The following ITGAX variants were observed in gnomAD, a reference collection of about 807,000 sequenced individuals.
The protein encoded by ITGAX is integrin subunit alpha X.
ITGAX carries 99 observed loss-of-function variants against 140.2 expected under a neutral mutation model. That is an observed-to-expected ratio of 0.71 (90% CI 0.60 to 0.83). The LOEUF is 0.83. ITGAX is among the 40% of genes least tolerant of loss of function. ITGAX has a pLI of 0.00. For missense variants in ITGAX, 1,444 were observed against 1,482.0 expected, an observed-to-expected ratio of 0.97 and a Z score of 0.42; for synonymous variants, 631 against 600.4, an observed-to-expected ratio of 1.05 and a Z score of -0.75.
In ITGAX at chr16:31,362,655, G is replaced by T. The variant is rs1293621380; in HGVS notation, c.1261G>T (p.Val421Phe). The T allele has an allele frequency of 1.2e-6, 2 of 1,613,502 alleles. No homozygotes were observed. Among genetic ancestry groups the T allele is most frequent in the Admixed American group, 1.7e-5 (1 of 59,996 alleles). ...LALWKGVQSL[V>F]LGAPRYQHTG... ...CCTCTGGAAAGGGGTGCAGAGCCTG[G>T]TCCTGGGGGCCCCCCGCTACCAGCA... Residue 421 changes from valine (V) to phenylalanine (F), a missense_variant, in exon 12 of 30, where the codon GTC (valine) becomes TTC (phenylalanine). By Grantham distance (50) the Val-to-Phe change is conservative (BLOSUM62 -1). Transcript: ENST00000268296.
At chr16:31,356,160 C>T in intron 2 of ITGAX, 162 bp downstream of exon 2, 1 of 571,696 alleles carries the variant, frequency 1.7e-6, no homozygotes, top group Non-Finnish European at 3.1e-6. Flanking sequence ...CACGGTCTCA[C>T]AGCTAACATT....
At chr16:31,362,799 T>C (rs538117251) in intron 12 of ITGAX, 46 bp downstream of exon 12, 1 of 1,605,030 alleles carries the variant, frequency 6.2e-7, no homozygotes, top group East Asian at 2.2e-5. Flanking sequence ...GTAGGGGAGG[T>C]GGCTGGGGCA....
In ITGAX at chr16:31,355,911, G is replaced by A. The variant is rs1355397644; in HGVS notation, c.56G>A (p.Gly19Asp). 5.0e-6 allele frequency: 8 copies of A among 1,613,638 alleles called. No homozygotes were observed. In the East Asian group the frequency reaches 1.3e-4, roughly 27 times the overall value. ...TTCCCAGCCTTAGCAACTTCTCTAG[G>A]TTTCAACTTGGACACAGAGGAGCTG... is the stretch of plus-strand genomic sequence containing the variant. Reference protein sequence around the residue: ...LLFTALATSLGFNLDTEELTA... With the variant: ...LLFTALATSLDFNLDTEELTA... The change falls in exon 2 of 30, where the codon GGT (glycine) becomes GAT (aspartate). Residue 19 changes from glycine to aspartate, a missense_variant. By Grantham distance (94) the Gly-to-Asp change is moderately conservative. Coordinates refer to ENST00000268296, the MANE Select transcript of ITGAX (RefSeq NM_000887.5).
rs1298619278 is a variant in ITGAX, at chr16:31,370,696, T to C, written c.1711-388T>C. ...ATCCTGGGTGCTGTTCTAAGAACCG[T>C]AGGAATTCCTCTCCTGAGCATGGCT... On this transcript the variant is annotated intron_variant, in intron 14 of 29. Coordinates refer to ENST00000268296, the MANE Select transcript of ITGAX (RefSeq NM_000887.5). Among the ~76,000 whole-genome samples the C allele has an allele frequency of 3.3e-5, 5 of 152,272 alleles. No homozygotes were observed. In the East Asian group the frequency reaches 9.7e-4, roughly 29 times the overall value.
chr16:31,366,405 C>T (rs1054883906), intron 14 of ITGAX, among the ~76,000 whole-genome samples: 3 of 152,210 alleles, frequency 2.0e-5, no homozygotes, highest in Admixed American at 6.5e-5. Context: ...CTCTCTCCCT[C>T]TCCTGTGGCC....
At chr16:31,361,535 C>T in intron 9 of ITGAX, 1 of 694,354 alleles carries the variant, frequency 1.4e-6, no homozygotes, top group Non-Finnish European at 2.5e-6. Context: ...AGCCCACATC[C>T]CACCAGCCAC....
intron 20 of ITGAX, among the ~76,000 whole-genome samples, chr16:31,374,546 C>T (rs1379833512): frequency 1.3e-5 from 2 of 152,046 alleles, no homozygotes; most frequent in Non-Finnish European, 2.9e-5. Context: ...CTCAAGCGAT[C>T]CTCCCATCTC....
Position 31,363,073 on chromosome 16 carries a change from G to A in ITGAX, c.1498G>A (p.Gly500Arg). 2 of 1,610,300 alleles carry A rather than the reference G, an allele frequency of 1.2e-6. No individual in the cohort carries two copies. Among genetic ancestry groups the A allele is most frequent in the Non-Finnish European group, 1.7e-6 (2 of 1,178,682 alleles). ...GGTGTCTGTGTGTCCCTTGCCCAGG[G>A]GGGTGAGTGGCTGATGGGCCTGGGG... is the stretch of plus-strand genomic sequence containing the variant. The part of the protein sequence containing the change: ...GQVSVCPLPR[G>R]WRRWWCDAVL... The change falls in exon 13 of 30, where the codon GGG becomes AGG. Residue 500 changes from glycine to arginine, a missense_variant and splice_region_variant. Coordinates refer to ENST00000268296, the MANE Select transcript of ITGAX (RefSeq NM_000887.5).
At chr16:31,365,049 T>C (rs957864311) in intron 14 of ITGAX, among the ~76,000 whole-genome samples, 27 of 151,832 alleles carry the variant, frequency 1.8e-4, no homozygotes, top group Non-Finnish European at 2.8e-4. Context: ...AAGTTAAACA[T>C]AGAGTTGCCA....
At chr16:31,368,567 C>T (rs2080916150) in intron 14 of ITGAX, among the ~76,000 whole-genome samples, 1 of 149,570 alleles carries the variant, frequency 6.7e-6, no homozygotes, top group African/African-American at 2.4e-5. Context: ...AGAGAATTGA[C>T]TCCAACTTTC....
Position 31,359,925 on chromosome 16 carries a change from C to G in ITGAX, c.567C>G (p.Ser189=), listed in dbSNP as rs1437160488. The G allele has an allele frequency of 1.9e-6, 3 of 1,614,006 alleles. No individual in the cohort carries two copies. The highest frequency in any genetic ancestry group is 2.5e-6 in the Non-Finnish European group (3 of 1,180,038). ...GCCCTGTGTGCTTCTCCCAGTTTTC[C>G]CTGATGCAGTTCTCCAACAAATTCC... ...SQFQRPSTQF[S]LMQFSNKFQT... Residue 189 remains serine (S), a synonymous_variant, in exon 7 of 30, where the codon TCC becomes TCG. Coordinates refer to ENST00000268296, the MANE Select transcript of ITGAX (RefSeq NM_000887.5).
At position 31,363,299 on chromosome 16, in the gene ITGAX, AGAG is replaced by A; in HGVS notation, c.1642_1644del (p.Glu548del). 2 of 1,613,982 alleles carry A rather than the reference AGAG, an allele frequency of 1.2e-6. No homozygotes were observed. The highest frequency in any genetic ancestry group is 1.7e-6 in the Non-Finnish European group (2 of 1,179,932). On this transcript the variant is annotated inframe_deletion, in exon 14 of 30. Transcript: ENST00000268296. ...CAGACGTGGTCATCGGGGCCCCAGG[AGAG>A]GAGGAGAACCGGGGTGCTGTCTACC...
In ITGAX at chr16:31,382,744, G is replaced by C; in HGVS notation, c.*837G>C. 1 of 527,160 alleles carries C rather than the reference G, an allele frequency of 1.9e-6. No individual in the cohort carries two copies. The highest frequency in any genetic ancestry group is 2.3e-5 in the South Asian group (1 of 43,272). 32.7% of individuals were successfully genotyped at this position (527,160 alleles called of 1,614,324 possible). On this transcript the variant is annotated 3_prime_UTR_variant, in exon 30 of 30. Coordinates refer to ENST00000268296, the MANE Select transcript of ITGAX (RefSeq NM_000887.5). Reference sequence around the variant, plus strand: ...TTGGGCAACATTGCTGGCTGGAAGGGAGGAGCGCCCTCTAGGGAGGGACAT... The same window carrying C: ...TTGGGCAACATTGCTGGCTGGAAGGCAGGAGCGCCCTCTAGGGAGGGACAT...
chr16:31,365,524 C>A (rs1035081334), intron 14 of ITGAX, among the ~76,000 whole-genome samples: 1 of 152,244 alleles, frequency 6.6e-6, no homozygotes, highest in African/African-American at 2.4e-5. Context: ...TAGAACCAAC[C>A]TTATTGAGCT....
At position 31,381,911 on chromosome 16, in the gene ITGAX, CCT is replaced by C; in HGVS notation, c.*7_*8del. ...CAGCCCGCCCAGTGAGAAATGATCC[CCT>C]CTTTGCCTTGGACTTCTTCTCCCCC... On this transcript the variant is annotated 3_prime_UTR_variant, in exon 30 of 30. Transcript: ENST00000268296. The C allele has an allele frequency of 1.1e-6, 1 of 948,636 alleles. No individual in the cohort carries two copies. The highest frequency in any genetic ancestry group is 1.7e-6 in the Non-Finnish European group (1 of 571,626). The allele number at this position is 948,636 out of a possible 1,614,324, so 58.8% of individuals were successfully genotyped here. A position where few individuals can be genotyped will look rare whatever the true frequency, so the allele number is the denominator to read the frequency against.
chr16:31,358,819 T>G (rs2080790053), intron 5 of ITGAX, among the ~76,000 whole-genome samples: 1 of 150,808 alleles, frequency 6.6e-6, no homozygotes, highest in Non-Finnish European at 1.5e-5. Context: ...CCTGGTTTTT[T>G]TTTTTTTCTT....
chr16:31,363,515 C>T (rs939923201), intron 14 of ITGAX, 141 bp downstream of exon 14: 3 of 913,736 alleles, frequency 3.3e-6, no homozygotes, highest in Non-Finnish European at 5.2e-6. Context: ...GGCGTGGTCT[C>T]AGCTCACTGC....
At chr16:31,381,524 G>A (rs1027075181) in intron 29 of ITGAX, among the ~76,000 whole-genome samples, 1 of 152,030 alleles carries the variant, frequency 6.6e-6, no homozygotes, top group Non-Finnish European at 1.5e-5. Context: ...GTGAAACCCC[G>A]TCTCTACTAA....
At position 31,356,746 on chromosome 16, in the gene ITGAX, C is replaced by T. The variant is rs776985312; in HGVS notation, c.247+18C>T. 2 of 1,548,026 alleles carry T rather than the reference C, an allele frequency of 1.3e-6. No individual in the cohort carries two copies. Among genetic ancestry groups the T allele is most frequent in the South Asian group, 1.2e-5 (1 of 85,010 alleles). On this transcript the variant is annotated intron_variant, in intron 3 of 29. Transcript: ENST00000268296. ...CCTGCAGGGTGAGTCACCGCCCCTC[C>T]CGGGACCCAGGGCCGGGCTCCCAGG... is the stretch of plus-strand genomic sequence containing the variant.
Sources: gnomAD v4.1 joint callset for allele counts (sites outside exome capture counted in the v4.1 genomes callset) on GRCh38, gnomAD v4.1.1 for gene constraint, MANE v1.5 for transcripts, NCBI Gene and HGNC (gene_info 2026-07-23, HGNC 2026-07-21) for gene names.